CLEC4D: variants seen among roughly 807,000 people sequenced by gnomAD.
The protein encoded by CLEC4D is C-type lectin domain family 4 member D.
In CLEC4D, 21 loss-of-function variants were observed where a neutral mutation model predicts 21.1. The observed-to-expected ratio is 1.00, with a 90% CI of 0.71 to 1.43. CLEC4D has a LOEUF of 1.43. Among genes scored for constraint, CLEC4D ranks in the 40% most tolerant of loss-of-function variants. The pLI is 0.00. For synonymous variants in CLEC4D, 85 were observed against 83.1 expected (o/e 1.02, Z -0.12); for missense variants, 289 against 260.7 (o/e 1.11, Z -0.75).
chr12:8,526,243 G>C, downstream of CLEC4D, among the ~76,000 whole-genome samples: 1 of 152,290 alleles, frequency 6.6e-6, no homozygotes, highest in East Asian at 1.9e-4. Flanking sequence ...GTGTTGCTAG[G>C]TTGGGGAAGT....
intron 2 of CLEC4D, among the ~76,000 whole-genome samples, chr12:8,516,589 G>C (rs1203722456): frequency 6.6e-6 from 1 of 152,186 alleles, no homozygotes; most frequent in African/African-American, 2.4e-5. Flanking sequence ...ACAATAAAAA[G>C]TCTGGCACTA....
Position 8,521,106 on chromosome 12 carries a change from ATGT to A in CLEC4D, c.501-10_501-8del, listed in dbSNP as rs777519177. ...TATATATACCTATAAATCTCTATCT[ATGT>A]TGTTGTTCTTTCAGATTCTGGCATA... On this transcript the variant is annotated splice_polypyrimidine_tract_variant and intron_variant, in intron 5 of 5. Coordinates refer to ENST00000299665, the MANE Select transcript of CLEC4D (RefSeq NM_080387.5). 23 of 1,610,436 alleles carry A rather than the reference ATGT, an allele frequency of 1.4e-5. No homozygotes were observed. In the South Asian group the frequency reaches 2.1e-4, roughly 15 times the overall value.
chr12:8,515,186 C>G, intron 1 of CLEC4D, 50 bp from the exon 2 acceptor site: 1 of 905,174 alleles, frequency 1.1e-6, no homozygotes, highest in African/African-American at 1.6e-5. Context: ...ATTAGCTTTC[C>G]TAGCTTGTAG....
At chr12:8,518,065 A>T (rs1940405163) in intron 2 of CLEC4D, 99 bp from the exon 3 acceptor site, 1 of 566,828 alleles carries the variant, frequency 1.8e-6, no homozygotes, top group Non-Finnish European at 3.2e-6. Flanking sequence ...TGAGGGCCTT[A>T]ATTATTAGGA....
chr12:8,521,376 A>G lies in CLEC4D; in HGVS notation c.*105A>G. ...GAACACAGAAAACATGCTGGTTCAT[A>G]CAGCGTTTTTAGTCATAATGGTCTT... On this transcript the variant is annotated 3_prime_UTR_variant, in exon 6 of 6. Transcript: ENST00000299665. 1 of 1,490,276 alleles carries G rather than the reference A, an allele frequency of 6.7e-7. No individual in the cohort carries two copies. The highest frequency in any genetic ancestry group is 2.3e-5 in the East Asian group (1 of 43,812). The allele number at this position is 1,490,276 out of a possible 1,614,324, so 92.3% of individuals were successfully genotyped here. A position where few individuals can be genotyped will look rare whatever the true frequency, so the allele number is the denominator to read the frequency against.
chr12:8,528,234 T>A, the CLEC4D span, among the ~76,000 whole-genome samples: 4 of 152,264 alleles, frequency 2.6e-5, no homozygotes, highest in South Asian at 8.3e-4. Context: ...TAATGGGTTA[T>A]CATAGGCAGA....
downstream of CLEC4D, among the ~76,000 whole-genome samples, chr12:8,523,887 T>C (rs778523282): frequency 2.6e-5 from 4 of 152,322 alleles, no homozygotes; most frequent in East Asian, 7.7e-4. Context: ...ATACTTAGTT[T>C]ATTGAGAGTT....
the CLEC4D span, among the ~76,000 whole-genome samples, chr12:8,531,353 G>A: frequency 1.3e-5 from 2 of 152,172 alleles, no homozygotes; most frequent in African/African-American, 2.4e-5. Flanking sequence ...ATCAGGAAAC[G>A]GAAAGGTAGA....
At chr12:8,518,483 A>T (rs1940413747) in intron 3 of CLEC4D, among the ~76,000 whole-genome samples, 1 of 152,218 alleles carries the variant, frequency 6.6e-6, no homozygotes, top group Non-Finnish European at 1.5e-5. Context: ...TTACAGATGG[A>T]TGGGTTATTT....
chr12:8,527,802 G>A, the CLEC4D span, among the ~76,000 whole-genome samples: 1 of 152,240 alleles, frequency 6.6e-6, no homozygotes, highest in East Asian at 1.9e-4. Context: ...TTCCAGGGTT[G>A]GGATGCTAGG....
chr12:8,524,550 C>T (rs1156889984), downstream of CLEC4D, among the ~76,000 whole-genome samples: 1 of 152,012 alleles, frequency 6.6e-6, no homozygotes, highest in Non-Finnish European at 1.5e-5. Context: ...GGTGATATCC[C>T]CTTTATCATT....
the CLEC4D span, among the ~76,000 whole-genome samples, chr12:8,530,985 T>C: frequency 6.6e-6 from 1 of 152,228 alleles, no homozygotes; most frequent in African/African-American, 2.4e-5. Flanking sequence ...CTGAATGACC[T>C]GTGTGGACAT....
At chr12:8,520,835 CAT>C (rs1175537630) in intron 5 of CLEC4D, among the ~76,000 whole-genome samples, 3 of 152,148 alleles carry the variant, frequency 2.0e-5, no homozygotes, top group East Asian at 3.9e-4. Context: ...ATCATTTCAA[CAT>C]GTGATCATTA....
In CLEC4D at chr12:8,515,410, A is replaced by G. The variant is rs1028429722; in HGVS notation, c.121+82A>G. On this transcript the variant is annotated intron_variant, in intron 2 of 5. Coordinates refer to ENST00000299665, the MANE Select transcript of CLEC4D (RefSeq NM_080387.5). Reference sequence around the variant, plus strand: ...CTGAAGTTGCTCTAAGCCTTTTGGTATCTTGATTTTTCCTAGCATAACCTA... The same window carrying G: ...CTGAAGTTGCTCTAAGCCTTTTGGTGTCTTGATTTTTCCTAGCATAACCTA... 60 of 783,010 alleles carry G rather than the reference A, an allele frequency of 7.7e-5. No individual in the cohort carries two copies. In the Admixed American group the frequency reaches 7.9e-4, roughly 10 times the overall value. The allele number at this position is 783,010 out of a possible 1,614,324, so 48.5% of individuals were successfully genotyped here.
At chr12:8,514,837 A>T (rs191543384) in intron 1 of CLEC4D, among the ~76,000 whole-genome samples, 5 of 152,260 alleles carry the variant, frequency 3.3e-5, no homozygotes, top group Non-Finnish European at 5.9e-5. Context: ...AGTTTTGCTC[A>T]GTTTTCTAGT....
At chr12:8,523,837 C>T (rs779770615), downstream of CLEC4D, among the ~76,000 whole-genome samples, 3 of 152,028 alleles carry the variant, frequency 2.0e-5, no homozygotes, top group East Asian at 1.9e-4. Flanking sequence ...GCTGTGCGTT[C>T]GTCATAAATA....
Position 8,513,682 on chromosome 12 carries a change from A to T in CLEC4D, c.-51A>T, listed in dbSNP as rs367819299. 357 of 884,484 alleles carry T rather than the reference A, an allele frequency of 4.0e-4. 1 individual carries two copies. The highest frequency in any genetic ancestry group is 6.2e-4 in the Non-Finnish European group (322 of 520,916). 54.8% of individuals were successfully genotyped at this position (884,484 alleles called of 1,614,324 possible). ...AGAAATATACTCTGGGGGAAAAAAA[A>T]TAGAACAAATTCTTGCCGTCCTGAC... On this transcript the variant is annotated 5_prime_UTR_variant, in exon 1 of 6. Transcript: ENST00000299665.
downstream of CLEC4D, among the ~76,000 whole-genome samples, chr12:8,523,834 G>A (rs12304744): frequency 0.072 from 10,941 of 152,072 alleles, 771 homozygotes; most frequent in African/African-American, 0.18. Flanking sequence ...TTGGCTGTGC[G>A]TTCGTCATAA....
At chr12:8,520,102 G>T in intron 4 of CLEC4D, 124 bp from the exon 5 acceptor site, 1 of 1,413,668 alleles carries the variant, frequency 7.1e-7, no homozygotes, top group Non-Finnish European at 9.3e-7. Flanking sequence ...TTTGAAAACA[G>T]ATCTATCTGA....
Sources: gnomAD v4.1 joint callset for allele counts (sites outside exome capture counted in the v4.1 genomes callset) on GRCh38, gnomAD v4.1.1 for gene constraint, MANE v1.5 for transcripts, NCBI Gene and HGNC (gene_info 2026-07-23, HGNC 2026-07-21) for gene names.